Variants in DGKB observed in about 807,000 individuals in gnomAD.
DGKB encodes 90 kDa diacylglycerol kinase.
A neutral mutation model predicts 114.3 loss-of-function variants in DGKB; 67 were observed. The observed-to-expected ratio is 0.59, with a 90% CI of 0.48 to 0.72. The LOEUF (loss-of-function observed/expected upper bound fraction) is 0.72. DGKB is among the 30% of genes least tolerant of loss of function. The pLI, the probability that DGKB is intolerant of heterozygous loss-of-function variation, is 0.00. For missense variants in DGKB, 907 were observed against 975.2 expected, an observed-to-expected ratio of 0.93 and a Z score of 0.93; for synonymous variants, 398 against 323.1, an observed-to-expected ratio of 1.23 and a Z score of -2.49.
chr7:14,326,284 G>T (rs1352706201), intron 23 of DGKB, among the ~76,000 whole-genome samples: 1 of 151,962 alleles, frequency 6.6e-6, no homozygotes, highest in African/African-American at 2.4e-5. Flanking sequence ...ATACTAATTT[G>T]CTCTTTTTTT....
chr7:14,872,389 C>A (rs956329515), intron 1 of DGKB, among the ~76,000 whole-genome samples: 2 of 152,152 alleles, frequency 1.3e-5, no homozygotes, highest in Non-Finnish European at 2.9e-5. Context: ...GCAAATACTA[C>A]CGGTTGACTG....
chr7:14,462,107 A>C (rs1833169967), intron 21 of DGKB, among the ~76,000 whole-genome samples: 1 of 152,198 alleles, frequency 6.6e-6, no homozygotes, highest in Non-Finnish European at 1.5e-5. Flanking sequence ...AATGTATCTC[A>C]AAATAATAAG....
At chr7:14,819,178 C>T (rs1445230094) in intron 2 of DGKB, among the ~76,000 whole-genome samples, 1 of 151,934 alleles carries the variant, frequency 6.6e-6, no homozygotes, top group African/African-American at 2.4e-5. Context: ...TACAGAGTAC[C>T]TAGTGTGTAT....
At chr7:14,853,265 T>G (rs1849647696) in intron 1 of DGKB, among the ~76,000 whole-genome samples, 1 of 152,166 alleles carries the variant, frequency 6.6e-6, no homozygotes, top group Non-Finnish European at 1.5e-5. Context: ...ACAGCATAGA[T>G]GTCACCAATA....
chr7:14,533,127 A>G (rs924704440), intron 20 of DGKB, among the ~76,000 whole-genome samples: 15 of 151,996 alleles, frequency 9.9e-5, no homozygotes, highest in African/African-American at 3.6e-4. Context: ...ATAGACAACT[A>G]AACAACTGAC....
intron 21 of DGKB, among the ~76,000 whole-genome samples, chr7:14,419,137 AT>A (rs1826268704): frequency 1.3e-5 from 2 of 151,938 alleles, no homozygotes; most frequent in Non-Finnish European, 2.9e-5. Context: ...TTACACAATT[AT>A]AATTTATTTT....
intron 20 of DGKB, among the ~76,000 whole-genome samples, chr7:14,550,358 G>A (rs1794937871): frequency 6.6e-6 from 1 of 152,056 alleles, no homozygotes; most frequent in Non-Finnish European, 1.5e-5. Context: ...GAAATTTTAT[G>A]AGTAAAATAA....
chr7:14,337,840 A>T (rs1328768126), intron 23 of DGKB, among the ~76,000 whole-genome samples: 1 of 152,144 alleles, frequency 6.6e-6, no homozygotes, highest in Non-Finnish European at 1.5e-5. Flanking sequence ...TATCACATTG[A>T]TATCTCTAGT....
chr7:14,928,907 T>C (rs1206734458), intron 1 of DGKB, among the ~76,000 whole-genome samples: 2 of 151,912 alleles, frequency 1.3e-5, no homozygotes, highest in African/African-American at 4.8e-5. Context: ...AGCTCTAACT[T>C]ACAAATGAGA....
intron 23 of DGKB, among the ~76,000 whole-genome samples, chr7:14,329,999 G>T (rs1223319303): frequency 6.6e-6 from 1 of 151,978 alleles, no homozygotes; most frequent in Non-Finnish European, 1.5e-5. Flanking sequence ...AAACAAATAA[G>T]ATGATAATTT....
In DGKB at chr7:14,388,209, GA is replaced by G. The variant is rs71033993; in HGVS notation, c.1836-42819del. ...TAGAAAATGGTGGTGCCATAATTTGGAAAAAAAAAAAAATCTTCTGCAGATT... is the reference window on the plus strand; with the variant it reads ...TAGAAAATGGTGGTGCCATAATTTGGAAAAAAAAAAAATCTTCTGCAGATT... On this transcript the variant is annotated intron_variant, in intron 21 of 25. Coordinates refer to ENST00000402815, the MANE Select transcript of DGKB (RefSeq NM_001350709.2). 3.4e-3 allele frequency among the ~76,000 whole-genome samples: 435 copies of G among 129,554 alleles called. 1 individual carries two copies. Among genetic ancestry groups the G allele is most frequent in the Middle Eastern group, 8.0e-3 (2 of 250 alleles). 85.0% of individuals were successfully genotyped at this position (129,554 alleles called of 152,430 possible).
At chr7:14,530,583 G>C (rs1791419038) in intron 20 of DGKB, among the ~76,000 whole-genome samples, 1 of 151,410 alleles carries the variant, frequency 6.6e-6, no homozygotes, top group South Asian at 2.1e-4. Context: ...TTTTAATTGA[G>C]TTTACCATAC....
chr7:14,910,427 A>G (rs1031089677), intron 1 of DGKB, among the ~76,000 whole-genome samples: 4 of 152,152 alleles, frequency 2.6e-5, no homozygotes, highest in African/African-American at 9.7e-5. Flanking sequence ...AAAACATATT[A>G]AAAGAAAAAG....
intron 16 of DGKB, among the ~76,000 whole-genome samples, chr7:14,610,325 T>C (rs75648725): frequency 0.017 from 2,620 of 152,052 alleles, 84 homozygotes; most frequent in African/African-American, 0.059. Flanking sequence ...CAGCTAAACA[T>C]TGAGAACACA....
intron 1 of DGKB, among the ~76,000 whole-genome samples, chr7:14,864,854 G>A (rs1334824511): frequency 6.6e-6 from 1 of 151,958 alleles, no homozygotes; most frequent in Non-Finnish European, 1.5e-5. Context: ...ATCCTTTAGG[G>A]ATGGGTAACT....
chr7:14,514,981 C>T (rs1314752428), intron 20 of DGKB, among the ~76,000 whole-genome samples: 2 of 152,020 alleles, frequency 1.3e-5, no homozygotes, highest in African/African-American at 2.4e-5. Flanking sequence ...GAGGTCAAGG[C>T]TATAGTGAGC....
At chr7:14,297,153 T>C (rs1456087825) in intron 23 of DGKB, among the ~76,000 whole-genome samples, 2 of 152,154 alleles carry the variant, frequency 1.3e-5, no homozygotes, top group African/African-American at 2.4e-5. Flanking sequence ...CCATTCCTTC[T>C]GAAGCTATTC....
intron 21 of DGKB, among the ~76,000 whole-genome samples, chr7:14,472,925 G>A (rs996494391): frequency 1.3e-5 from 2 of 152,116 alleles, no homozygotes; most frequent in Non-Finnish European, 2.9e-5. Flanking sequence ...GGTGACTTGG[G>A]TGCTGTTAAA....
intron 20 of DGKB, among the ~76,000 whole-genome samples, chr7:14,491,994 A>G (rs2128934529): frequency 6.6e-6 from 1 of 152,188 alleles, no homozygotes; most frequent in Admixed American, 6.6e-5. Flanking sequence ...CTCCCATAAC[A>G]CTAAACTAGT....
Sources: gnomAD v4.1 joint callset for allele counts (sites outside exome capture counted in the v4.1 genomes callset) on GRCh38, gnomAD v4.1.1 for gene constraint, MANE v1.5 for transcripts, NCBI Gene and HGNC (gene_info 2026-07-23, HGNC 2026-07-21) for gene names.